BRAF: variants seen among roughly 807,000 people sequenced by gnomAD.
BRAF encodes the protein B-Raf proto-oncogene, serine/threonine kinase.
Under a neutral mutation model 104.6 loss-of-function variants are expected in BRAF, and 16 were observed. That is an observed-to-expected ratio of 0.15 (90% confidence interval 0.10 to 0.23). The LOEUF is 0.23. Ranked by LOEUF, BRAF falls within the 10% of genes least tolerant of loss-of-function variation. BRAF has a pLI of 1.00. For missense variants in BRAF, 541 were observed against 937.3 expected (o/e 0.58, Z 5.52); for synonymous variants, 310 against 341.6 (o/e 0.91, Z 1.02).
rs553732878 is a variant in BRAF at position 140,785,107 on chromosome 7, A to C, written c.1297+582T>G. 1.8e-4 allele frequency among the ~76,000 whole-genome samples: 27 copies of C among 152,342 alleles called. No homozygotes were observed. In the East Asian group the frequency reaches 5.2e-3, roughly 29 times the overall value. Reference sequence around the variant, plus strand: ...ACTGAAATATCTAAAATATGTTATAAATCTTTTTTTTGTCTTTTTTAACAG... The same window carrying C: ...ACTGAAATATCTAAAATATGTTATACATCTTTTTTTTGTCTTTTTTAACAG... On this transcript the variant is annotated intron_variant, in intron 10 of 19. Transcript: ENST00000644969.
intron 3 of BRAF, among the ~76,000 whole-genome samples, chr7:140,827,985 C>T (rs1806259830): frequency 6.6e-6 from 1 of 152,174 alleles, no homozygotes; most frequent in African/African-American, 2.4e-5. Context: ...CAACCTCCAC[C>T]TCCCAGGTTC....
At chr7:140,836,007 T>C (rs1157000393) in intron 2 of BRAF, 3 of 152,080 alleles carry the variant, frequency 2.0e-5, no homozygotes, top group African/African-American at 7.2e-5. Flanking sequence ...AAAGTAATAA[T>C]GAGGAAGGAG....
chr7:140,856,556 G>A (rs1336941217), intron 1 of BRAF, among the ~76,000 whole-genome samples: 1 of 152,146 alleles, frequency 6.6e-6, no homozygotes, highest in African/African-American at 2.4e-5. Context: ...ATAAAGACAT[G>A]AGTTTTGAAT....
intron 19 of BRAF, chr7:140,732,221 C>T (rs1326250397): frequency 1.2e-4 from 6 of 49,244 alleles, no homozygotes; most frequent in African/African-American, 4.4e-4. Flanking sequence ...AGGAAATCAA[C>T]TTTAATTTCA....
chr7:140,737,849 T>C (rs1055221840), intron 18 of BRAF, among the ~76,000 whole-genome samples: 5 of 152,240 alleles, frequency 3.3e-5, no homozygotes, highest in Admixed American at 6.5e-5. Context: ...TCCAATAATC[T>C]GGAAAGTTCA....
At position 140,921,432 on chromosome 7, in the gene BRAF, T is replaced by C. The variant is rs144120259; in HGVS notation, c.138+3134A>G. On this transcript the variant is annotated intron_variant, in intron 1 of 19. Coordinates refer to ENST00000644969, the MANE Select transcript of BRAF (RefSeq NM_001374258.1). ...AAATACAGGATGTGAAATTTGTTCATTCCCCAACATATTTTAAAGACTAAA... is the reference window on the plus strand; with the variant it reads ...AAATACAGGATGTGAAATTTGTTCACTCCCCAACATATTTTAAAGACTAAA... 7.8e-3 allele frequency among the ~76,000 whole-genome samples: 1,187 copies of C among 152,260 alleles called. 18 individuals are homozygous for C. Among genetic ancestry groups the C allele is most frequent in the African/African-American group, 0.027 (1,103 of 41,572 alleles).
intron 1 of BRAF, among the ~76,000 whole-genome samples, chr7:140,863,871 C>T (rs570328812): frequency 2.6e-5 from 4 of 152,268 alleles, no homozygotes; most frequent in Admixed American, 1.3e-4. Context: ...CCTGCAGAAC[C>T]GTGAGCCAAT....
At chr7:140,789,367 C>T (rs1801717125) in intron 8 of BRAF, among the ~76,000 whole-genome samples, 1 of 152,024 alleles carries the variant, frequency 6.6e-6, no homozygotes, top group African/African-American at 2.4e-5. Context: ...GATTGAATGG[C>T]CCCAAATATC....
chr7:140,905,199 A>G (rs1363187253), intron 1 of BRAF, among the ~76,000 whole-genome samples: 5 of 152,230 alleles, frequency 3.3e-5, no homozygotes, highest in Admixed American at 2.6e-4. Flanking sequence ...TATCCTAACT[A>G]ACCTGTCTGC....
Position 140,725,040 on chromosome 7 carries a change from T to G in BRAF, c.*1454A>C. 1 of 1,046,758 alleles carries G rather than the reference T, an allele frequency of 9.6e-7. No homozygotes were observed. Among genetic ancestry groups the G allele is most frequent in the Non-Finnish European group, 1.2e-6 (1 of 867,580 alleles). 64.8% of individuals were successfully genotyped at this position (1,046,758 alleles called of 1,614,324 possible). On this transcript the variant is annotated 3_prime_UTR_variant, in exon 20 of 20. Coordinates refer to ENST00000644969, the MANE Select transcript of BRAF (RefSeq NM_001374258.1). ...GCTTTCCCACACCCTCCCTCAGTCC[T>G]AATATCCCTAAAATTGCTCTATTCT...
At chr7:140,794,268 A>G (rs1391439795) in intron 8 of BRAF, 40 bp downstream of exon 8, 1 of 1,605,134 alleles carries the variant, frequency 6.2e-7, no homozygotes, top group Non-Finnish European at 8.5e-7. Flanking sequence ...AAAGATACAT[A>G]CTTGGTTTTT....
chr7:140,875,575 A>G (rs534850977), intron 1 of BRAF, among the ~76,000 whole-genome samples: 2 of 152,308 alleles, frequency 1.3e-5, no homozygotes, highest in African/African-American at 2.4e-5. Context: ...ACAGGGTTTC[A>G]CTATGTTGGC....
chr7:140,745,834 GTACT>G (rs1797303169), intron 17 of BRAF, among the ~76,000 whole-genome samples: 1 of 152,216 alleles, frequency 6.6e-6, no homozygotes, highest in Non-Finnish European at 1.5e-5. Flanking sequence ...TAAGAGACTA[GTACT>G]TACTTCCTGT....
chr7:140,758,838 C>T (rs1301344066), intron 14 of BRAF, among the ~76,000 whole-genome samples: 1 of 152,228 alleles, frequency 6.6e-6, no homozygotes. Flanking sequence ...AAAGTTTCAA[C>T]ACACACATAC....
chr7:140,743,552 A>C (rs1395720923), intron 17 of BRAF, among the ~76,000 whole-genome samples: 2 of 152,108 alleles, frequency 1.3e-5, no homozygotes, highest in East Asian at 3.9e-4. Context: ...GAAGGGGAAC[A>C]TCACACTCTG....
At position 140,721,741 on chromosome 7, in the gene BRAF, G is replaced by A; in HGVS notation, c.*4753C>T. 6.6e-7 allele frequency: 1 copy of A among 1,510,454 alleles called. No homozygotes were observed. Among genetic ancestry groups the A allele is most frequent in the Non-Finnish European group, 8.8e-7 (1 of 1,135,348 alleles). The allele number at this position is 1,510,454 out of a possible 1,614,324, so 93.6% of individuals were successfully genotyped here. On this transcript the variant is annotated 3_prime_UTR_variant, in exon 20 of 20. Coordinates refer to ENST00000644969, the MANE Select transcript of BRAF (RefSeq NM_001374258.1). Reference sequence around the variant, plus strand: ...AATACATGGACTTTCTCTTTCAATGGTGAGGAATGAAACAAGATACAAGAA... The same window carrying A: ...AATACATGGACTTTCTCTTTCAATGATGAGGAATGAAACAAGATACAAGAA...
At chr7:140,801,351 A>C in intron 6 of BRAF, 61 bp downstream of exon 6, 1 of 1,577,410 alleles carries the variant, frequency 6.3e-7, no homozygotes, top group South Asian at 1.1e-5. Context: ...TCGTAGCTTC[A>C]CATTAAGAAA....
intron 5 of BRAF, 148 bp from the exon 6 acceptor site, chr7:140,801,708 A>G (rs1286930498): frequency 1.3e-5 from 12 of 919,716 alleles, no homozygotes; most frequent in Non-Finnish European, 1.6e-6. Context: ...TAAAATGAAA[A>G]CCGGGGGTTC....
At chr7:140,870,631 GAAAAA>G (rs764060432) in intron 1 of BRAF, among the ~76,000 whole-genome samples, 1 of 99,338 alleles carries the variant, frequency 1.0e-5, no homozygotes, top group African/African-American at 3.9e-5. Flanking sequence ...AGGTTAACTA[GAAAAA>G]AAAAAAAAAA....
Sources: allele counts gnomAD v4.1 joint callset (sites outside exome capture counted in the v4.1 genomes callset), GRCh38; gene constraint gnomAD v4.1.1; transcripts MANE v1.5; gene names NCBI Gene and HGNC (gene_info 2026-07-23, HGNC 2026-07-21).